The following ADCY2 variants were observed in gnomAD, a reference collection of about 807,000 sequenced individuals.
The protein encoded by ADCY2 is adenylate cyclase type 2.
In ADCY2, 31 loss-of-function variants were observed where a neutral mutation model predicts 125.2. The ratio of observed to expected loss-of-function variants is 0.25; its 90% CI spans 0.19 to 0.33. The LOEUF (loss-of-function observed/expected upper bound fraction) is 0.33, where lower values mean the gene tolerates loss of function less well. ADCY2 is among the 10% of genes least tolerant of loss of function. ADCY2 has a pLI of 1.00. For missense variants in ADCY2, 904 were observed against 1,418.2 expected (o/e 0.64, Z 5.82); for synonymous variants, 512 against 548.4 (o/e 0.93, Z 0.93).
intron 12 of ADCY2, among the ~76,000 whole-genome samples, chr5:7,718,882 T>TGCTTTCAC (rs1741677032): frequency 6.6e-6 from 1 of 152,234 alleles, no homozygotes; most frequent in African/African-American, 2.4e-5. Flanking sequence ...GGTGGAAGGA[T>TGCTTTCAC]GCTTTCACTG....
intron 2 of ADCY2, among the ~76,000 whole-genome samples, chr5:7,492,384 T>C (rs1372372867): frequency 6.6e-6 from 1 of 152,202 alleles, no homozygotes; most frequent in Middle Eastern, 3.2e-3. Context: ...AGGAATGTGA[T>C]CATATCCATG....
chr5:7,597,409 C>T (rs1737043404), intron 3 of ADCY2, among the ~76,000 whole-genome samples: 3 of 152,338 alleles, frequency 2.0e-5, no homozygotes, highest in African/African-American at 7.2e-5. Context: ...TTCTAGGCTC[C>T]TGCTGCTTAC....
At chr5:7,456,126 A>G (rs1016591200) in intron 2 of ADCY2, among the ~76,000 whole-genome samples, 41 of 152,038 alleles carry the variant, frequency 2.7e-4, no homozygotes, top group Non-Finnish European at 3.8e-4. Context: ...CATTAGCTAT[A>G]TTTATAGTTT....
chr5:7,661,142 T>C (rs1283355742), intron 4 of ADCY2, among the ~76,000 whole-genome samples: 1 of 152,212 alleles, frequency 6.6e-6, no homozygotes, highest in Non-Finnish European at 1.5e-5. Context: ...GCATCAAAAC[T>C]GTTTTGATTG....
chr5:7,602,335 T>C (rs1032347429), intron 3 of ADCY2, among the ~76,000 whole-genome samples: 2 of 152,220 alleles, frequency 1.3e-5, no homozygotes, highest in African/African-American at 4.8e-5. Flanking sequence ...CTCTTAACCA[T>C]ATAATAGCTC....
intron 3 of ADCY2, among the ~76,000 whole-genome samples, chr5:7,597,917 T>C (rs1737063552): frequency 6.6e-6 from 1 of 152,164 alleles, no homozygotes; most frequent in South Asian, 2.1e-4. Flanking sequence ...GAAAAATCCT[T>C]GCAATGTCTT....
intron 2 of ADCY2, among the ~76,000 whole-genome samples, chr5:7,509,583 C>G (rs933308851): frequency 6.6e-6 from 1 of 152,208 alleles, no homozygotes; most frequent in African/African-American, 2.4e-5. Context: ...ATCAATCTCT[C>G]TAACTCTGAA....
At chr5:7,585,667 A>G (rs1736605496) in intron 3 of ADCY2, among the ~76,000 whole-genome samples, 1 of 152,228 alleles carries the variant, frequency 6.6e-6, no homozygotes, top group Non-Finnish European at 1.5e-5. Flanking sequence ...AACTAACATC[A>G]TTATCCTACC....
chr5:7,577,731 A>T (rs961131905), intron 3 of ADCY2, among the ~76,000 whole-genome samples: 1 of 152,214 alleles, frequency 6.6e-6, no homozygotes, highest in African/African-American at 2.4e-5. Context: ...AACAAAACTT[A>T]CAAAATTCAA....
chr5:7,418,645 C>CTTTTTTTTTTTTTTTT (rs1160037097), intron 2 of ADCY2, among the ~76,000 whole-genome samples: 3 of 92,502 alleles, frequency 3.2e-5, no homozygotes, highest in Non-Finnish European at 6.6e-5. Flanking sequence ...AGTCTACCTT[C>CTTTTTTTTTTTTTTTT]TGTTTTTTTT....
At chr5:7,737,315 A>G (rs1340917134) in intron 14 of ADCY2, among the ~76,000 whole-genome samples, 2 of 152,244 alleles carry the variant, frequency 1.3e-5, no homozygotes, top group Non-Finnish European at 2.9e-5. Context: ...GAAACAGGAT[A>G]GAGGTGTTGT....
At chr5:7,601,048 G>A (rs1737183955) in intron 3 of ADCY2, among the ~76,000 whole-genome samples, 1 of 152,148 alleles carries the variant, frequency 6.6e-6, no homozygotes, top group Admixed American at 6.5e-5. Context: ...TCTCTTGGAA[G>A]CTGGTACCAT....
intron 2 of ADCY2, among the ~76,000 whole-genome samples, chr5:7,494,872 G>A (rs944700286): frequency 3.3e-5 from 5 of 152,168 alleles, no homozygotes; most frequent in African/African-American, 1.2e-4. Flanking sequence ...TTTAGACAGT[G>A]GAAAGGGTGT....
intron 4 of ADCY2, among the ~76,000 whole-genome samples, chr5:7,661,296 C>A (rs879921263): frequency 6.6e-6 from 1 of 152,028 alleles, no homozygotes; most frequent in Non-Finnish European, 1.5e-5. Flanking sequence ...TTTAAAAGAT[C>A]TACTTTTTAA....
At chr5:7,567,667 A>C (rs769725466) in intron 3 of ADCY2, among the ~76,000 whole-genome samples, 44 of 152,172 alleles carry the variant, frequency 2.9e-4, no homozygotes, top group Non-Finnish European at 5.7e-4. Context: ...AAACTCTACC[A>C]GTCATATTTA....
chr5:7,632,419 T>G (rs1026200284), intron 4 of ADCY2, among the ~76,000 whole-genome samples: 1 of 152,188 alleles, frequency 6.6e-6, no homozygotes, highest in African/African-American at 2.4e-5. Flanking sequence ...GGTCATCACA[T>G]TTTTTTCATT....
chr5:7,743,890 C>A, intron 15 of ADCY2, 138 bp downstream of exon 15: 1 of 749,496 alleles, frequency 1.3e-6, no homozygotes, highest in Non-Finnish European at 2.2e-6. Context: ...AGGAAACACA[C>A]ACCCTTCAGG....
intron 18 of ADCY2, among the ~76,000 whole-genome samples, chr5:7,777,163 C>A (rs1329885747): frequency 6.6e-6 from 1 of 152,132 alleles, no homozygotes. Context: ...TGCCTGAGGA[C>A]CAAGCAGCTC....
At chr5:7,821,936 C>T (rs1343157484) in intron 24 of ADCY2, among the ~76,000 whole-genome samples, 1 of 152,062 alleles carries the variant, frequency 6.6e-6, no homozygotes, top group Admixed American at 6.5e-5. Context: ...TGAGGTTCCC[C>T]CGGTGAAGGA....
Sources: gnomAD v4.1 joint callset for allele counts (sites outside exome capture counted in the v4.1 genomes callset) on GRCh38, gnomAD v4.1.1 for gene constraint, MANE v1.5 for transcripts, NCBI Gene and HGNC (gene_info 2026-07-23, HGNC 2026-07-21) for gene names.